CACNA1E: variants seen among roughly 807,000 people sequenced by gnomAD.
CACNA1E encodes the protein voltage-dependent R-type calcium channel subunit alpha-1E.
Under a neutral mutation model 259.2 loss-of-function variants are expected in CACNA1E, and 40 were observed. The ratio of observed to expected loss-of-function variants is 0.15; its 90% CI spans 0.12 to 0.20. The LOEUF is 0.20. CACNA1E is among the 10% of genes least tolerant of loss of function. The pLI is 1.00. For missense variants in CACNA1E, 1,874 were observed against 3,040.1 expected (o/e 0.62, Z 9.02); for synonymous variants, 1,104 against 1,138.5 (o/e 0.97, Z 0.61).
intron 1 of CACNA1E, among the ~76,000 whole-genome samples, chr1:181,368,823 T>C (rs1481400763): frequency 6.6e-6 from 1 of 152,232 alleles, no homozygotes; most frequent in East Asian, 1.9e-4. Flanking sequence ...AAATGAAGTA[T>C]CTTGGAGGCA....
At chr1:181,511,312 C>T (rs1666144849) in intron 2 of CACNA1E, 59 bp from the exon 3 acceptor site, 3 of 1,594,488 alleles carry the variant, frequency 1.9e-6, no homozygotes, top group Admixed American at 1.7e-5. Flanking sequence ...GTGCTTTTGC[C>T]TGTGTCTCAT....
At chr1:181,742,496 C>G (rs181590709) in intron 25 of CACNA1E, among the ~76,000 whole-genome samples, 2 of 152,154 alleles carry the variant, frequency 1.3e-5, no homozygotes, top group Non-Finnish European at 2.9e-5. Flanking sequence ...GAAATTGAAC[C>G]ATGACTTAGT....
At chr1:181,319,211 CTG>C (rs1370306416) in intron 1 of CACNA1E, among the ~76,000 whole-genome samples, 1 of 152,168 alleles carries the variant, frequency 6.6e-6, no homozygotes, top group African/African-American at 2.4e-5. Flanking sequence ...GAGAATCACA[CTG>C]TGTCATAGAG....
chr1:181,580,485 G>A (rs1572271713), intron 5 of CACNA1E, 110 bp from the exon 6 acceptor site: 3 of 1,018,218 alleles, frequency 2.9e-6, no homozygotes, highest in East Asian at 4.8e-5. Flanking sequence ...AAAAGGGCAG[G>A]CCTCTTTCCG....
intron 1 of CACNA1E, among the ~76,000 whole-genome samples, chr1:181,406,347 T>G (rs1350489901): frequency 6.6e-6 from 1 of 152,234 alleles, no homozygotes; most frequent in African/African-American, 2.4e-5. Flanking sequence ...CAGGTGCTGT[T>G]CTATGAGCTT....
At chr1:181,651,289 T>C (rs777316858) in intron 6 of CACNA1E, 49 bp from the exon 7 acceptor site, 1 of 1,211,942 alleles carries the variant, frequency 8.3e-7, no homozygotes, top group Admixed American at 1.7e-5. Context: ...TAAGCTTTAC[T>C]TATGGAAGAT....
intron 2 of CACNA1E, among the ~76,000 whole-genome samples, chr1:181,449,620 G>A: frequency 6.6e-6 from 1 of 152,188 alleles, no homozygotes; most frequent in Middle Eastern, 3.2e-3. Flanking sequence ...ATGAAGTGGT[G>A]TTGGCTTCTT....
chr1:181,662,090 T>C (rs1647744274), intron 7 of CACNA1E, among the ~76,000 whole-genome samples: 1 of 152,182 alleles, frequency 6.6e-6, no homozygotes, highest in Admixed American at 6.5e-5. Context: ...ATTCCTACAC[T>C]GATGAGAAGG....
chr1:181,551,196 T>C (rs1355073695), intron 3 of CACNA1E, among the ~76,000 whole-genome samples: 1 of 152,154 alleles, frequency 6.6e-6, no homozygotes, highest in Non-Finnish European at 1.5e-5. Flanking sequence ...GGGCATCCTG[T>C]TGGGGAAGGA....
chr1:181,373,683 G>A (rs990822924), intron 1 of CACNA1E, among the ~76,000 whole-genome samples: 2 of 151,376 alleles, frequency 1.3e-5, no homozygotes, highest in South Asian at 2.1e-4. Context: ...GACTACAGGC[G>A]CCTGCCACTA....
rs576758957 is a variant in CACNA1E at position 181,780,854 on chromosome 1, G to A, written c.5268-573G>A. On this transcript the variant is annotated intron_variant, in intron 38 of 47. Transcript: ENST00000367573. Reference sequence around the variant, plus strand: ...CCTTCAGTGCAAGACGCCGCCTCCTGCTGCACACACACACCAGAGGGGGGA... The same window carrying A: ...CCTTCAGTGCAAGACGCCGCCTCCTACTGCACACACACACCAGAGGGGGGA... Among the ~76,000 whole-genome samples, 8 of 152,196 alleles carry A rather than the reference G, an allele frequency of 5.3e-5. No individual in the cohort carries two copies. The South Asian group carries it at 1.7e-3, about 32-fold the overall frequency.
intron 7 of CACNA1E, among the ~76,000 whole-genome samples, chr1:181,673,623 T>C (rs975729588): frequency 6.6e-6 from 1 of 152,150 alleles, no homozygotes; most frequent in African/African-American, 2.4e-5. Context: ...GGAGAGCAGA[T>C]GGTCCACTGC....
chr1:181,564,052 A>T (rs1649581986), intron 3 of CACNA1E, among the ~76,000 whole-genome samples: 1 of 152,188 alleles, frequency 6.6e-6, no homozygotes, highest in Non-Finnish European at 1.5e-5. Context: ...CTCCTGGTAG[A>T]TCTTACCTGG....
At chr1:181,620,971 C>T (rs780609848) in intron 6 of CACNA1E, among the ~76,000 whole-genome samples, 1 of 152,046 alleles carries the variant, frequency 6.6e-6, no homozygotes, top group Non-Finnish European at 1.5e-5. Flanking sequence ...GATGGAAAGA[C>T]ACTCCAGGAG....
At chr1:181,415,062 A>G (rs957715586) in intron 2 of CACNA1E, among the ~76,000 whole-genome samples, 8 of 152,184 alleles carry the variant, frequency 5.3e-5, no homozygotes, top group African/African-American at 1.9e-4. Flanking sequence ...CTTTAAATAC[A>G]ATGCAGCTCT....
At chr1:181,628,822 C>T (rs1656437102) in intron 6 of CACNA1E, among the ~76,000 whole-genome samples, 1 of 152,190 alleles carries the variant, frequency 6.6e-6, no homozygotes, top group South Asian at 2.1e-4. Context: ...CAGTGTTTAA[C>T]ATTCATTACT....
intron 12 of CACNA1E, among the ~76,000 whole-genome samples, 151 bp downstream of exon 12, chr1:181,718,318 G>A (rs1479884653): frequency 1.3e-5 from 2 of 152,146 alleles, no homozygotes; most frequent in Admixed American, 6.5e-5. Flanking sequence ...ATTCAGAAGC[G>A]AGTGAATCCT....
At chr1:181,728,705 G>A (rs1176963198) in intron 18 of CACNA1E, among the ~76,000 whole-genome samples, 2 of 151,646 alleles carry the variant, frequency 1.3e-5, no homozygotes, top group African/African-American at 4.8e-5. Flanking sequence ...CTACACAGGT[G>A]TGTGTGCTCT....
chr1:181,335,610 G>A (rs1651648880), intron 1 of CACNA1E, among the ~76,000 whole-genome samples: 1 of 152,198 alleles, frequency 6.6e-6, no homozygotes, highest in African/African-American at 2.4e-5. Context: ...GCATCCTGGA[G>A]CATGCCCTGG....
Sources: allele counts gnomAD v4.1 joint callset (sites outside exome capture counted in the v4.1 genomes callset), GRCh38; gene constraint gnomAD v4.1.1; transcripts MANE v1.5; gene names NCBI Gene and HGNC (gene_info 2026-07-23, HGNC 2026-07-21).